SCMH1: variants seen among roughly 807,000 people sequenced by gnomAD.
SCMH1 encodes the protein polycomb protein SCMH1.
A neutral mutation model predicts 70.8 loss-of-function variants in SCMH1; 37 were observed. The ratio of observed to expected loss-of-function variants is 0.52; its 90% CI spans 0.40 to 0.69. The LOEUF is 0.69. Among genes scored for constraint, SCMH1 ranks in the 30% least tolerant of loss-of-function variants. The pLI, the probability that SCMH1 is intolerant of heterozygous loss-of-function variation, is 0.00. For synonymous variants in SCMH1, 292 were observed against 307.4 expected, an observed-to-expected ratio of 0.95 and a Z score of 0.52; for missense variants, 607 against 827.3, an observed-to-expected ratio of 0.73 and a Z score of 3.27.
chr1:41,035,098 T>G (rs1645102120), intron 13 of SCMH1, among the ~76,000 whole-genome samples: 1 of 152,214 alleles, frequency 6.6e-6, no homozygotes, highest in African/African-American at 2.4e-5. Context: ...TTCCATCTTT[T>G]CAGCTCTCTT....
At chr1:41,180,547 C>T (rs973705090) in intron 2 of SCMH1, among the ~76,000 whole-genome samples, 1 of 152,226 alleles carries the variant, frequency 6.6e-6, no homozygotes, top group Middle Eastern at 3.4e-3. Context: ...TTCTTATACA[C>T]CAATAACAGA....
intron 1 of SCMH1, among the ~76,000 whole-genome samples, chr1:41,237,686 TTA>T (rs2148941256): frequency 6.6e-6 from 1 of 152,204 alleles, no homozygotes; most frequent in East Asian, 1.9e-4. Flanking sequence ...TTTCCCTATT[TTA>T]TATATCTACC....
intron 1 of SCMH1, among the ~76,000 whole-genome samples, chr1:41,202,323 C>T (rs925603639): frequency 2.0e-5 from 3 of 151,464 alleles, no homozygotes; most frequent in Non-Finnish European, 4.4e-5. Context: ...CATGAGCCAA[C>T]GTGCCCAGCC....
At chr1:41,027,993 A>ACC in exon 15 of SCMH1, 1 of 614,878 alleles carries the variant, frequency 1.6e-6, no homozygotes, top group Non-Finnish European at 2.8e-6. Context: ...CCAGCCCTGG[A>ACC]CCCCCACTCT....
intron 8 of SCMH1, among the ~76,000 whole-genome samples, chr1:41,084,689 G>A (rs1661066355): frequency 6.6e-6 from 1 of 152,076 alleles, no homozygotes; most frequent in African/African-American, 2.4e-5. Flanking sequence ...TATGTTTACT[G>A]CAGCACTATT....
intron 6 of SCMH1, among the ~76,000 whole-genome samples, chr1:41,117,822 G>A (rs1403966629): frequency 6.6e-6 from 1 of 152,150 alleles, no homozygotes; most frequent in African/African-American, 2.4e-5. Context: ...CAGTGGACAC[G>A]TGACCCACGT....
chr1:41,048,621 C>A, intron 11 of SCMH1, 69 bp downstream of exon 11: 1 of 1,425,814 alleles, frequency 7.0e-7, no homozygotes, highest in Admixed American at 1.8e-5. Flanking sequence ...GGATGCCTTA[C>A]AAGAAATCAA....
intron 1 of SCMH1, among the ~76,000 whole-genome samples, chr1:41,187,459 C>CA (rs34070758): frequency 3.2e-3 from 416 of 128,812 alleles, no homozygotes; most frequent in African/African-American, 7.7e-3. Context: ...GAGACTTGGT[C>CA]AAAAAAAAAA....
intron 10 of SCMH1, among the ~76,000 whole-genome samples, chr1:41,062,523 T>C (rs1367509684): frequency 1.3e-5 from 2 of 151,752 alleles, no homozygotes; most frequent in East Asian, 2.0e-4. Context: ...GGGCAGATCA[T>C]GAGGTCAGGA....
chr1:41,170,545 C>A (rs1032807764), intron 2 of SCMH1, among the ~76,000 whole-genome samples: 7 of 152,130 alleles, frequency 4.6e-5, no homozygotes, highest in African/African-American at 1.7e-4. Flanking sequence ...ACATTGCTGA[C>A]CCTACTATCA....
intron 1 of SCMH1, among the ~76,000 whole-genome samples, chr1:41,221,893 C>CAAAAAAAAAAAAA (rs34257855): frequency 2.2e-5 from 1 of 45,020 alleles, no homozygotes; most frequent in Non-Finnish European, 3.5e-5. Flanking sequence ...GACTCCGTCT[C>CAAAAAAAAAAAAA]AAAAAAAAAA....
intron 8 of SCMH1, among the ~76,000 whole-genome samples, chr1:41,112,338 T>C (rs949069049): frequency 7.2e-5 from 11 of 152,160 alleles, no homozygotes; most frequent in African/African-American, 2.7e-4. Context: ...ATAAGAAGGG[T>C]GACTTTTCAT....
intron 2 of SCMH1, among the ~76,000 whole-genome samples, chr1:41,163,556 C>T (rs1383403454): frequency 6.6e-6 from 1 of 152,160 alleles, no homozygotes; most frequent in Non-Finnish European, 1.5e-5. Context: ...AAGGTGGTCG[C>T]TAATTCAGCA....
chr1:41,082,227 G>C (rs1660241063), intron 8 of SCMH1, among the ~76,000 whole-genome samples: 1 of 149,806 alleles, frequency 6.7e-6, no homozygotes, highest in South Asian at 2.3e-4. Flanking sequence ...AGGACATTAA[G>C]AAAATGAAAA....
rs145683152 is a variant in SCMH1 at position 41,048,896 on chromosome 1, G to A, written c.1106-6C>T. 2.7e-3 allele frequency: 4,412 copies of A among 1,604,978 alleles called. 11 individuals are homozygous for A. The highest frequency in any genetic ancestry group is 4.5e-3 in the Middle Eastern group (27 of 5,990). ...CTTGTTCAAGTAGATACAAACTATG[G>A]GAGACAAAGAATCAAAGAAGCTTCA... On this transcript the variant is annotated splice_polypyrimidine_tract_variant and splice_region_variant and intron_variant, in intron 10 of 14. Coordinates refer to ENST00000337495, the Ensembl canonical transcript of SCMH1.
At chr1:41,162,231 C>T (rs1646094827) in intron 2 of SCMH1, among the ~76,000 whole-genome samples, 1 of 152,142 alleles carries the variant, frequency 6.6e-6, no homozygotes, top group Non-Finnish European at 1.5e-5. Context: ...AATGCCTGCT[C>T]CCCCTGCCTG....
chr1:41,219,957 A>G (rs1056986639), intron 1 of SCMH1, among the ~76,000 whole-genome samples: 1 of 152,118 alleles, frequency 6.6e-6, no homozygotes, highest in Non-Finnish European at 1.5e-5. Flanking sequence ...AGTACTATAC[A>G]AGATACAAGT....
At chr1:41,166,405 T>C (rs1294374743) in intron 2 of SCMH1, among the ~76,000 whole-genome samples, 1 of 152,116 alleles carries the variant, frequency 6.6e-6, no homozygotes, top group Admixed American at 6.5e-5. Flanking sequence ...TTGATGGCAG[T>C]TGCATTAGAT....
chr1:41,079,975 T>C (rs1446351782), intron 8 of SCMH1, among the ~76,000 whole-genome samples: 1 of 152,212 alleles, frequency 6.6e-6, no homozygotes, highest in Non-Finnish European at 1.5e-5. Flanking sequence ...CCTAATACTG[T>C]ATTTTTTAGG....
Sources: allele counts gnomAD v4.1 joint callset (sites outside exome capture counted in the v4.1 genomes callset), GRCh38; gene constraint gnomAD v4.1.1; transcripts MANE v1.5; gene names NCBI Gene and HGNC (gene_info 2026-07-23, HGNC 2026-07-21).